The following RGL1 variants were observed in gnomAD, a reference collection of about 807,000 sequenced individuals.
RGL1 encodes the protein ral guanine nucleotide dissociation stimulator-like 1.
Under a neutral mutation model 95.2 loss-of-function variants are expected in RGL1, and 24 were observed. The ratio of observed to expected loss-of-function variants is 0.25; its 90% CI spans 0.18 to 0.35. RGL1 has a LOEUF of 0.35. RGL1 is among the 10% of genes least tolerant of loss of function. The pLI is 1.00. For synonymous variants in RGL1, 329 were observed against 344.9 expected, an observed-to-expected ratio of 0.95 and a Z score of 0.51; for missense variants, 715 against 936.3, an observed-to-expected ratio of 0.76 and a Z score of 3.08.
At chr1:183,793,982 C>T (rs781554074) in intron 2 of RGL1, among the ~76,000 whole-genome samples, 2 of 151,726 alleles carry the variant, frequency 1.3e-5, no homozygotes, top group Middle Eastern at 3.2e-3. Context: ...TATATTTCAG[C>T]ACTATTCATA....
chr1:183,898,869 G>A (rs557590481), intron 10 of RGL1, among the ~76,000 whole-genome samples: 1 of 152,306 alleles, frequency 6.6e-6, no homozygotes, highest in East Asian at 1.9e-4. Context: ...CCAGCCTCAT[G>A]TCAAGCAGCC....
At chr1:183,647,943 T>C in intron 1 of RGL1, 1 of 1,614,242 alleles carries the variant, frequency 6.2e-7, no homozygotes, top group South Asian at 1.1e-5. Context: ...TAGGTTGGGT[T>C]GGAGTTGTCC....
chr1:183,749,393 T>G (rs1176054044), intron 2 of RGL1, among the ~76,000 whole-genome samples: 2 of 152,214 alleles, frequency 1.3e-5, no homozygotes, highest in Non-Finnish European at 2.9e-5. Flanking sequence ...TTGTGTTTTT[T>G]GTTCTTTGTT....
At chr1:183,926,036 C>T in intron 17 of RGL1, 69 bp from the exon 18 acceptor site, 1 of 1,375,476 alleles carries the variant, frequency 7.3e-7, no homozygotes. Context: ...GCAAGGTTTA[C>T]AGCTGCCGTT....
intron 12 of RGL1, among the ~76,000 whole-genome samples, chr1:183,903,871 G>C (rs867246218): frequency 1.3e-5 from 2 of 152,310 alleles, no homozygotes; most frequent in South Asian, 2.1e-4. Context: ...GTCCCATATA[G>C]ACGATACTTT....
intron 2 of RGL1, among the ~76,000 whole-genome samples, chr1:183,811,811 A>G (rs533474329): frequency 5.8e-4 from 89 of 152,368 alleles, no homozygotes; most frequent in African/African-American, 2.0e-3. Context: ...CCCAGCAAAT[A>G]CATAATGGCA....
intron 1 of RGL1, among the ~76,000 whole-genome samples, chr1:183,654,308 G>A (rs568607329): frequency 2.3e-4 from 35 of 152,266 alleles, no homozygotes; most frequent in African/African-American, 6.0e-4. Context: ...GCTGCATCCT[G>A]TCCCTTCCCC....
intron 1 of RGL1, chr1:183,647,514 G>A (rs895151698): frequency 1.7e-6 from 2 of 1,149,498 alleles, no homozygotes; most frequent in Non-Finnish European, 2.3e-6. Flanking sequence ...GTTTAAAATA[G>A]TGTAACTTTA....
At chr1:183,860,981 GCTGA>G (rs1487613759) in intron 3 of RGL1, among the ~76,000 whole-genome samples, 1 of 152,112 alleles carries the variant, frequency 6.6e-6, no homozygotes, top group Non-Finnish European at 1.5e-5. Context: ...GTTGCTGAAC[GCTGA>G]CTGTCATGGC....
At chr1:183,895,165 T>C (rs61809237) in intron 9 of RGL1, among the ~76,000 whole-genome samples, 33,363 of 151,910 alleles carry the variant, frequency 0.22, 3,858 homozygotes, top group East Asian at 0.41. Flanking sequence ...AGAGCAAGAG[T>C]CTGTTACAAC....
rs551146595 is a variant in RGL1 at position 183,638,044 on chromosome 1, G to A, written c.-33+1543G>A. 2.6e-5 allele frequency among the ~76,000 whole-genome samples: 4 copies of A among 152,152 alleles called. No individual in the cohort carries two copies. The South Asian group carries it at 8.3e-4, about 32-fold the overall frequency. ...AAAATCGAACATTAGAGGCACTATTGACAGCAAATGGAAACAGGGATTCAA... is the reference window on the plus strand; with the variant it reads ...AAAATCGAACATTAGAGGCACTATTAACAGCAAATGGAAACAGGGATTCAA... On this transcript the variant is annotated intron_variant, in intron 1 of 18. Transcript: ENST00000304685.
rs1344802860 is a variant in RGL1, at chr1:183,926,798, T to G, written c.*506T>G. 6.6e-6 allele frequency: 1 copy of G among 152,606 alleles called. No homozygotes were observed. Among genetic ancestry groups the G allele is most frequent in the Non-Finnish European group, 1.5e-5 (1 of 68,050 alleles). 9.5% of individuals were successfully genotyped at this position (152,606 alleles called of 1,614,324 possible). On this transcript the variant is annotated 3_prime_UTR_variant, in exon 18 of 18. Coordinates refer to ENST00000360851, the MANE Select transcript of RGL1 (RefSeq NM_001297671.3). ...TTACAAGAAGCCCAAACTTTATTTT[T>G]ATAAAGGGAGAGGATGACTTTCTCA...
intron 2 of RGL1, among the ~76,000 whole-genome samples, chr1:183,774,035 T>C (rs1250948786): frequency 6.6e-6 from 1 of 152,102 alleles, no homozygotes; most frequent in Admixed American, 6.5e-5. Context: ...GCTGACAGTA[T>C]TGTCACAACA....
chr1:183,800,868 CT>C (rs1269560095), upstream of RGL1, among the ~76,000 whole-genome samples: 2 of 152,134 alleles, frequency 1.3e-5, no homozygotes, highest in Non-Finnish European at 2.9e-5. Flanking sequence ...ACCACATTTT[CT>C]TTATCCATTC....
chr1:183,762,578 G>A (rs1658743083), intron 2 of RGL1, among the ~76,000 whole-genome samples: 1 of 152,212 alleles, frequency 6.6e-6, no homozygotes, highest in African/African-American at 2.4e-5. Context: ...GGCAAGACCT[G>A]CTTGATGCGG....
chr1:183,805,407 C>T (rs953167494), intron 1 of RGL1, 83 bp downstream of exon 1: 9 of 1,245,604 alleles, frequency 7.2e-6, no homozygotes, highest in South Asian at 5.0e-5. Flanking sequence ...TTTGGACTCC[C>T]TCGGAGTGAA....
intron 2 of RGL1, among the ~76,000 whole-genome samples, chr1:183,844,480 T>C (rs1664284414): frequency 6.6e-6 from 1 of 152,170 alleles, no homozygotes; most frequent in Non-Finnish European, 1.5e-5. Flanking sequence ...CTCTTGGAGT[T>C]GAATAACACC....
chr1:183,898,019 C>G lies in RGL1; in HGVS notation c.1230+122C>G. The G allele has an allele frequency of 2.2e-5, 16 of 714,628 alleles. No homozygotes were observed. The South Asian group carries it at 2.7e-4, about 12-fold the overall frequency. 44.3% of individuals were successfully genotyped at this position (714,628 alleles called of 1,614,324 possible). On this transcript the variant is annotated intron_variant, in intron 10 of 17. Coordinates refer to ENST00000360851, the MANE Select transcript of RGL1 (RefSeq NM_001297671.3). ...CACCCAGGCTTTCAGAAAGGGTCTC[C>G]CATTCTCTACCCCATTTGTTCTCAG...
chr1:183,665,978 A>G (rs1422299757), intron 1 of RGL1, among the ~76,000 whole-genome samples: 2 of 149,586 alleles, frequency 1.3e-5, no homozygotes, highest in Non-Finnish European at 3.0e-5. Context: ...GAAAGCCTAG[A>G]TGATTGACTG....
Sources: gnomAD v4.1 joint callset for allele counts (sites outside exome capture counted in the v4.1 genomes callset) on GRCh38, gnomAD v4.1.1 for gene constraint, MANE v1.5 for transcripts, NCBI Gene and HGNC (gene_info 2026-07-23, HGNC 2026-07-21) for gene names.